The following GPD2 variants were observed in gnomAD, a reference collection of about 807,000 sequenced individuals.
The protein encoded by GPD2 is glycerol-3-phosphate dehydrogenase 2.
Under a neutral mutation model 82.4 loss-of-function variants are expected in GPD2, and 54 were observed. That is an observed-to-expected ratio of 0.66 (90% confidence interval 0.53 to 0.82). The LOEUF (loss-of-function observed/expected upper bound fraction) is 0.82, where lower values mean the gene tolerates loss of function less well. Among genes scored for constraint, GPD2 ranks in the 40% least tolerant of loss-of-function variants. The probability of loss-of-function intolerance (pLI) is 0.00; values close to 1 mark genes in which losing one functional copy is unlikely to be tolerated. For synonymous variants in GPD2, 288 were observed against 306.1 expected, an observed-to-expected ratio of 0.94 and a Z score of 0.62; for missense variants, 748 against 896.2, an observed-to-expected ratio of 0.83 and a Z score of 2.11.
At chr2:156,485,250 T>G (rs1454156059) in intron 2 of GPD2, among the ~76,000 whole-genome samples, 1 of 152,206 alleles carries the variant, frequency 6.6e-6, no homozygotes, top group Non-Finnish European at 1.5e-5. Context: ...AATGTTAAAA[T>G]CAAATAAAAT....
chr2:156,533,297 C>T (rs1166230372), intron 6 of GPD2, among the ~76,000 whole-genome samples: 1 of 152,204 alleles, frequency 6.6e-6, no homozygotes, highest in African/African-American at 2.4e-5. Context: ...AAAAGCTGAG[C>T]AGTCTTTTTC....
chr2:156,490,307 A>G (rs1190674352), intron 2 of GPD2, among the ~76,000 whole-genome samples: 1 of 151,828 alleles, frequency 6.6e-6, no homozygotes, highest in East Asian at 1.9e-4. Context: ...AATTATAAGT[A>G]GGGCCTTAGG....
At chr2:156,523,140 G>A (rs1225426734) in intron 6 of GPD2, among the ~76,000 whole-genome samples, 1 of 152,102 alleles carries the variant, frequency 6.6e-6, no homozygotes, top group Non-Finnish European at 1.5e-5. Flanking sequence ...CACTCTTGGT[G>A]TACATTCTGT....
chr2:156,555,805 G>A (rs1178686568), intron 8 of GPD2, among the ~76,000 whole-genome samples: 6 of 152,172 alleles, frequency 3.9e-5, no homozygotes, highest in Non-Finnish European at 1.5e-5. Context: ...GTAACCCTGA[G>A]TGAAGGTGGG....
At chr2:156,550,826 A>G (rs997076518) in intron 8 of GPD2, 80 bp downstream of exon 8, 21 of 1,106,508 alleles carry the variant, frequency 1.9e-5, no homozygotes, top group Non-Finnish European at 2.3e-5. Context: ...TTCTTCTAGC[A>G]TAGCAATAGA....
intron 3 of GPD2, among the ~76,000 whole-genome samples, chr2:156,501,050 G>T (rs1032444885): frequency 6.6e-6 from 1 of 151,876 alleles, no homozygotes; most frequent in Non-Finnish European, 1.5e-5. Context: ...GGTTCTTCAA[G>T]GTGTTCTCTT....
intron 6 of GPD2, among the ~76,000 whole-genome samples, chr2:156,540,515 A>G (rs1686266647): frequency 6.6e-6 from 1 of 152,212 alleles, no homozygotes; most frequent in African/African-American, 2.4e-5. Context: ...GTTATCTGCT[A>G]TGGAAACATA....
intron 6 of GPD2, among the ~76,000 whole-genome samples, chr2:156,543,267 T>G (rs1686395857): frequency 6.6e-6 from 1 of 152,170 alleles, no homozygotes; most frequent in African/African-American, 2.4e-5. Context: ...CTTAGACTCT[T>G]TAAGCCTTGA....
chr2:156,554,937 C>T (rs1265082783), intron 8 of GPD2, among the ~76,000 whole-genome samples: 1 of 152,206 alleles, frequency 6.6e-6, no homozygotes, highest in African/African-American at 2.4e-5. Flanking sequence ...ATCCTAGACA[C>T]ACACATAAAT....
At chr2:156,579,659 C>A in intron 15 of GPD2, 31 bp from the exon 16 acceptor site, 1 of 1,038,864 alleles carries the variant, frequency 9.6e-7, no homozygotes, top group Non-Finnish European at 1.5e-6. Flanking sequence ...TTTAATCAAA[C>A]TGTATTATTC....
At chr2:156,406,182 C>A in the GPD2 span, among the ~76,000 whole-genome samples, 2 of 151,940 alleles carry the variant, frequency 1.3e-5, no homozygotes, top group Admixed American at 6.6e-5. Flanking sequence ...GGAATTAAAT[C>A]ATTACTTATT....
chr2:156,523,670 C>CTAGATAGTTAGA, intron 6 of GPD2, among the ~76,000 whole-genome samples: 1 of 146,700 alleles, frequency 6.8e-6, no homozygotes. Context: ...AATTTCTTTT[C>CTAGATAGTTAGA]TAGATAGATA....
rs1219756600 is a variant in GPD2 at position 156,571,178 on chromosome 2, G to T, written c.1653G>T (p.Met551Ile). Residue 551 changes from methionine (M) to isoleucine (I), a missense_variant, in exon 13 of 17, where the codon ATG (methionine) becomes ATT (isoleucine). Physicochemically the swap from Met to Ile is conservative, Grantham distance 10 (BLOSUM62 1). Around this residue, in one of 3 missense-constraint regions of GPD2, gnomAD observed 692 missense variants for 809.7 expected, o/e 0.85. Transcript: ENST00000438166. ...AGTATGCCTGCACTGCTGTGGATAT[G>T]ATTTCACGTCGTACTCGCCTGGCCT... is the stretch of plus-strand genomic sequence containing the variant. ...IKEYACTAVD[M>I]ISRRTRLAFL... The T allele has an allele frequency of 6.2e-7, 1 of 1,611,514 alleles. No homozygotes were observed. Among genetic ancestry groups the T allele is most frequent in the South Asian group, 1.1e-5 (1 of 91,042 alleles).
At chr2:156,568,528 G>A (rs925925041) in intron 9 of GPD2, among the ~76,000 whole-genome samples, 13 of 152,032 alleles carry the variant, frequency 8.6e-5, no homozygotes, top group Admixed American at 2.0e-4. Flanking sequence ...ACTGCTCCAG[G>A]TTGCTTCAGC....
At chr2:156,537,688 A>G (rs114299939) in intron 6 of GPD2, among the ~76,000 whole-genome samples, 2,239 of 152,252 alleles carry the variant, frequency 0.015, 62 homozygotes, top group African/African-American at 0.05. Flanking sequence ...AGACAAAGGG[A>G]GTATTTTTGA....
chr2:156,522,529 C>T (rs968540465), intron 6 of GPD2, among the ~76,000 whole-genome samples: 4 of 152,178 alleles, frequency 2.6e-5, no homozygotes, highest in African/African-American at 9.6e-5. Flanking sequence ...TCTTTGTCCA[C>T]TCTTCTCTTG....
chr2:156,562,990 GA>G (rs1468800380), intron 9 of GPD2, among the ~76,000 whole-genome samples: 5 of 152,086 alleles, frequency 3.3e-5, no homozygotes, highest in African/African-American at 1.2e-4. Context: ...GGTCTTTAAT[GA>G]TGGATTTTTC....
intron 1 of GPD2, among the ~76,000 whole-genome samples, chr2:156,472,804 C>G (rs575335556): frequency 9.2e-5 from 14 of 152,248 alleles, no homozygotes; most frequent in African/African-American, 2.9e-4. Flanking sequence ...GAGAAGTTGC[C>G]TTTTGAGACC....
chr2:156,585,806 T>G lies in GPD2; in HGVS notation c.*2888T>G, dbSNP rs915904087. The G allele has an allele frequency of 1.3e-5, 2 of 152,528 alleles. No individual in the cohort carries two copies. Among genetic ancestry groups the G allele is most frequent in the African/African-American group, 4.8e-5 (2 of 41,436 alleles). The allele number at this position is 152,528 out of a possible 1,614,324, so 9.4% of individuals were successfully genotyped here. On this transcript the variant is annotated 3_prime_UTR_variant, in exon 17 of 17. Coordinates refer to ENST00000438166, the MANE Select transcript of GPD2 (RefSeq NM_000408.5). ...GTCAATGATGCTATAACTTGCGATG[T>G]TTGCATCATGTCAACCTTTTTGAAG...
Sources: gnomAD v4.1 joint callset for allele counts (sites outside exome capture counted in the v4.1 genomes callset) on GRCh38, gnomAD v4.1.1 for gene constraint, gnomAD v4.1.1 regional missense constraint, MANE v1.5 for transcripts, NCBI Gene and HGNC (gene_info 2026-07-23, HGNC 2026-07-21) for gene names.